Variants in SYNPO observed in about 807,000 individuals in gnomAD.
SYNPO encodes synaptopodin.
Under a neutral mutation model 49.5 loss-of-function variants are expected in SYNPO, and 19 were observed. The ratio of observed to expected loss-of-function variants is 0.38; its 90% CI spans 0.27 to 0.56. The LOEUF (loss-of-function observed/expected upper bound fraction) is 0.56, where lower values mean the gene tolerates loss of function less well. SYNPO is among the 20% of genes least tolerant of loss of function. The pLI, the probability that SYNPO is intolerant of heterozygous loss-of-function variation, is 0.68. For missense variants in SYNPO, 1,131 were observed against 1,248.3 expected, an observed-to-expected ratio of 0.91 and a Z score of 1.42; for synonymous variants, 536 against 548.0, an observed-to-expected ratio of 0.98 and a Z score of 0.31.
chr5:150,594,892 T>C, the SYNPO span, among the ~76,000 whole-genome samples: 1 of 152,282 alleles, frequency 6.6e-6, no homozygotes, highest in East Asian at 1.9e-4. Context: ...CCCAGAAGTT[T>C]GCAAGGGGCT....
intron 1 of SYNPO, among the ~76,000 whole-genome samples, chr5:150,642,939 G>C (rs1192331493): frequency 5.3e-5 from 8 of 152,240 alleles, no homozygotes; most frequent in Admixed American, 1.3e-4. Context: ...GCCTCACTGA[G>C]AGTCAGCTGA....
chr5:150,609,126 C>T (rs1036839863), intron 1 of SYNPO, among the ~76,000 whole-genome samples: 7 of 152,164 alleles, frequency 4.6e-5, no homozygotes, highest in East Asian at 1.9e-4. Flanking sequence ...CTACTCCCAC[C>T]GTGGCCCATT....
At chr5:150,590,084 C>T in the SYNPO span, among the ~76,000 whole-genome samples, 8 of 152,354 alleles carry the variant, frequency 5.3e-5, no homozygotes, top group South Asian at 4.1e-4. Context: ...CCAAGCCTTG[C>T]GCTTTGGGCT....
chr5:150,629,980 C>A (rs557279473), intron 2 of SYNPO, among the ~76,000 whole-genome samples: 1 of 152,242 alleles, frequency 6.6e-6, no homozygotes, highest in East Asian at 1.9e-4. Flanking sequence ...AAAAAGCAAG[C>A]CACCTATCCC....
At position 150,650,939 on chromosome 5, in the gene SYNPO, C is replaced by G. The variant is rs1178080626; in HGVS notation, c.2028+636C>G. On this transcript the variant is annotated intron_variant, in intron 2 of 2. Transcript: ENST00000307662. ...GCCTCGCCTCCGCCTGCGCTCCCCT[C>G]CAGGGTCCTTCTGCTGGCTGCGGAC... 4 of 1,257,804 alleles carry G rather than the reference C, an allele frequency of 3.2e-6. No individual in the cohort carries two copies. The East Asian group carries it at 9.3e-5, about 29-fold the overall frequency. 77.9% of individuals were successfully genotyped at this position (1,257,804 alleles called of 1,614,324 possible).
In SYNPO at chr5:150,602,733, G is replaced by T. The variant is rs187502795; in HGVS notation, c.-266+1545G>T. Among the ~76,000 whole-genome samples, 718 of 152,136 alleles carry T rather than the reference G, an allele frequency of 4.7e-3. 5 individuals are homozygous for T. Among genetic ancestry groups the T allele is most frequent in the African/African-American group, 0.016 (679 of 41,486 alleles). ...TTCTTTTATTTTTTGTAGAGACAGG[G>T]TCTCACTATGTTGCTCAGGCTGGTC... is the stretch of plus-strand genomic sequence containing the variant. On this transcript the variant is annotated intron_variant, in intron 1 of 2. Coordinates refer to the SYNPO transcript ENST00000394243.
chr5:150,651,039 G>A (rs1041279012), intron 2 of SYNPO: 1 of 1,198,330 alleles, frequency 8.3e-7, no homozygotes, highest in Admixed American at 4.4e-5. Flanking sequence ...GGAGATCACT[G>A]GGCCCAGGCC....
intron 1 of SYNPO, among the ~76,000 whole-genome samples, chr5:150,610,959 G>A (rs1312628922): frequency 6.6e-6 from 1 of 151,994 alleles, no homozygotes; most frequent in Non-Finnish European, 1.5e-5. Flanking sequence ...GGGTTTGTAG[G>A]GCTTATGTTT....
chr5:150,658,970 A>C lies in SYNPO; in HGVS notation c.*1883A>C, dbSNP rs991504328. The C allele has an allele frequency of 7.2e-5, 11 of 152,346 alleles. No homozygotes were observed. The highest frequency in any genetic ancestry group is 2.2e-4 in the African/African-American group (9 of 41,426). 9.4% of individuals were successfully genotyped at this position (152,346 alleles called of 1,614,324 possible). A position where few individuals can be genotyped will look rare whatever the true frequency, so the allele number is the denominator to read the frequency against. ...TAAGGGCCCCTCCCAGGGAAGGGAC[A>C]CCATCAGGCCTCTGGCTGAGGCAGT... On this transcript the variant is annotated 3_prime_UTR_variant, in exon 3 of 3. Coordinates refer to ENST00000307662, the MANE Select transcript of SYNPO (RefSeq NM_007286.6).
At chr5:150,625,521 C>G (rs543588308) in intron 2 of SYNPO, among the ~76,000 whole-genome samples, 61 of 152,350 alleles carry the variant, frequency 4.0e-4, no homozygotes, top group African/African-American at 1.5e-3. Context: ...GAAATCCAGG[C>G]CTTTCCCCAG....
intron 2 of SYNPO, chr5:150,653,936 G>A (rs569953349): frequency 6.6e-6 from 1 of 152,218 alleles, no homozygotes; most frequent in African/African-American, 2.4e-5. Flanking sequence ...TCTTCTTTAG[G>A]TTAAAGGGCT....
intron 1 of SYNPO, among the ~76,000 whole-genome samples, chr5:150,641,361 C>T (rs541165668): frequency 6.6e-6 from 1 of 152,348 alleles, no homozygotes; most frequent in Non-Finnish European, 1.5e-5. Flanking sequence ...CCCTTCCTGT[C>T]GCCAAGACCC....
rs142117244 is a variant in SYNPO at position 150,635,381 on chromosome 5, G to A, written c.401-12563G>A. On this transcript the variant is annotated intron_variant, in intron 2 of 2. Transcript: ENST00000394243. ...AGCATTAAGAGGCTACTGAGAATGC[G>A]TGTATGTTGCAGGTGTATGTGTGTG... Among the ~76,000 whole-genome samples, 1,212 of 152,352 alleles carry A rather than the reference G, an allele frequency of 8.0e-3. 31 individuals carry two copies. The South Asian group carries it at 0.09, about 11-fold the overall frequency.
the SYNPO span, among the ~76,000 whole-genome samples, chr5:150,589,043 T>C: frequency 6.7e-6 from 1 of 150,056 alleles, no homozygotes; most frequent in Admixed American, 6.6e-5. Flanking sequence ...CCATTCTCTG[T>C]TCCAGTGTAT....
chr5:150,593,033 A>G, the SYNPO span, among the ~76,000 whole-genome samples: 2 of 152,210 alleles, frequency 1.3e-5, no homozygotes, highest in Non-Finnish European at 2.9e-5. Flanking sequence ...TGCCTTCTGA[A>G]CAAAGTGCTC....
the SYNPO span, among the ~76,000 whole-genome samples, chr5:150,595,564 T>C: frequency 6.6e-6 from 1 of 152,146 alleles, no homozygotes; most frequent in Non-Finnish European, 1.5e-5. Context: ...TCTAGGGGCC[T>C]GGGGACAGGC....
chr5:150,648,002 C>G lies in SYNPO; in HGVS notation c.-274C>G, dbSNP rs1292170831. The G allele has an allele frequency of 6.4e-7, 1 of 1,551,742 alleles. No individual in the cohort carries two copies. Among genetic ancestry groups the G allele is most frequent in the East Asian group, 2.4e-5 (1 of 41,070 alleles). ...ATCTGAAAGAAGCCAAGGCGCGGAG[C>G]CAGCAGATTGCAGCCCAGCTGACCA... On this transcript the variant is annotated 5_prime_UTR_variant, in exon 2 of 3. Coordinates refer to ENST00000307662, the MANE Select transcript of SYNPO (RefSeq NM_007286.6). This position sits in a 1 kb window ranked among gnomAD's most constrained non-coding sequence, Gnocchi z 5.0.
intron 2 of SYNPO, among the ~76,000 whole-genome samples, chr5:150,629,583 G>A (rs1757472575): frequency 6.6e-6 from 1 of 152,140 alleles, no homozygotes; most frequent in South Asian, 2.1e-4. Flanking sequence ...GTCAAGGAAG[G>A]GGCAGGCTGG....
At chr5:150,596,893 A>G (rs570589019), upstream of SYNPO, among the ~76,000 whole-genome samples, 2 of 152,306 alleles carry the variant, frequency 1.3e-5, no homozygotes, top group Admixed American at 1.3e-4. Context: ...CCCATCATGT[A>G]CCCAACCATT....
Sources: gnomAD v4.1 joint callset for allele counts (sites outside exome capture counted in the v4.1 genomes callset) on GRCh38, gnomAD v4.1.1 for gene constraint, Gnocchi (gnomAD v3.1) non-coding constraint, MANE v1.5 for transcripts, NCBI Gene and HGNC (gene_info 2026-07-23, HGNC 2026-07-21) for gene names.